The following PLEK2 variants were observed in gnomAD, a reference collection of about 807,000 sequenced individuals.
The protein encoded by PLEK2 is pleckstrin-2.
PLEK2 carries 29 observed loss-of-function variants against 43.8 expected under a neutral mutation model. The observed-to-expected ratio is 0.66, with a 90% CI of 0.49 to 0.90. The LOEUF (loss-of-function observed/expected upper bound fraction) is 0.90, where lower values mean the gene tolerates loss of function less well. Among genes scored for constraint, PLEK2 ranks in the 40% least tolerant of loss-of-function variants. The pLI, the probability that PLEK2 is intolerant of heterozygous loss-of-function variation, is 0.00. For missense variants in PLEK2, 398 were observed against 448.1 expected, an observed-to-expected ratio of 0.89 and a Z score of 1.01; for synonymous variants, 162 against 173.2, an observed-to-expected ratio of 0.94 and a Z score of 0.51.
chr14:67,404,315 C>G (rs965872313), intron 1 of PLEK2, among the ~76,000 whole-genome samples: 6 of 152,022 alleles, frequency 3.9e-5, no homozygotes, highest in African/African-American at 1.4e-4. Flanking sequence ...CACTTTTACT[C>G]ATATTACTTC....
intron 2 of PLEK2, 87 bp from the exon 3 acceptor site, chr14:67,395,670 C>T: frequency 9.2e-7 from 1 of 1,092,666 alleles, no homozygotes; most frequent in Non-Finnish European, 1.4e-6. Flanking sequence ...CCGGGAGAAT[C>T]TAGGTGACAG....
intron 1 of PLEK2, among the ~76,000 whole-genome samples, chr14:67,410,476 C>A (rs541248246): frequency 1.2e-3 from 176 of 152,084 alleles, no homozygotes; most frequent in Non-Finnish European, 2.1e-3. Context: ...CCACATGCTG[C>A]GAGAAACCGG....
chr14:67,395,320 GC>G (rs1231173742), intron 3 of PLEK2, 81 bp downstream of exon 3: 7 of 1,230,526 alleles, frequency 5.7e-6, no homozygotes, highest in Middle Eastern at 2.7e-4. Flanking sequence ...CAAGCACAGA[GC>G]CCCCCCAAGG....
chr14:67,388,458 G>T (rs952951866), intron 7 of PLEK2, among the ~76,000 whole-genome samples, 156 bp from the exon 8 acceptor site: 3 of 152,216 alleles, frequency 2.0e-5, no homozygotes. Context: ...AAAGCTGCAT[G>T]CATCAGTAAG....
At chr14:67,408,668 T>G (rs543481940) in intron 1 of PLEK2, among the ~76,000 whole-genome samples, 1 of 152,282 alleles carries the variant, frequency 6.6e-6, no homozygotes, top group African/African-American at 2.4e-5. Context: ...AAGGGTTGCC[T>G]GCAAACACCA....
intron 1 of PLEK2, among the ~76,000 whole-genome samples, chr14:67,409,089 A>G (rs1241206499): frequency 6.6e-6 from 1 of 151,880 alleles, no homozygotes; most frequent in Admixed American, 6.6e-5. Flanking sequence ...GCAAAAAACA[A>G]AACATTAGCT....
chr14:67,392,605 G>C, intron 5 of PLEK2, 57 bp downstream of exon 5: 4 of 1,505,108 alleles, frequency 2.7e-6, no homozygotes, highest in Non-Finnish European at 3.7e-6. Context: ...CCCCCATTCT[G>C]TTGTGTCTTC....
At chr14:67,397,555 A>G (rs755116574) in intron 2 of PLEK2, 107 bp downstream of exon 2, 15 of 948,290 alleles carry the variant, frequency 1.6e-5, no homozygotes, top group African/African-American at 6.6e-5. Context: ...AAGTTTTTCA[A>G]TTCTAACTCT....
At chr14:67,402,091 G>A (rs1179203285) in intron 1 of PLEK2, among the ~76,000 whole-genome samples, 10 of 152,108 alleles carry the variant, frequency 6.6e-5, no homozygotes. Flanking sequence ...AGATGACAGT[G>A]CCACTGCACT....
At chr14:67,406,929 G>C (rs953228748) in intron 1 of PLEK2, among the ~76,000 whole-genome samples, 1 of 152,114 alleles carries the variant, frequency 6.6e-6, no homozygotes, top group African/African-American at 2.4e-5. Context: ...TTCTCTTTTA[G>C]GTTTCTTGTC....
chr14:67,393,800 C>T (rs966155594), intron 3 of PLEK2, among the ~76,000 whole-genome samples: 21 of 152,270 alleles, frequency 1.4e-4, no homozygotes, highest in African/African-American at 2.4e-4. Context: ...TCCCATAGCA[C>T]GGCTCACCCC....
chr14:67,392,498 G>T, intron 5 of PLEK2, 71 bp from the exon 6 acceptor site: 1 of 1,334,502 alleles, frequency 7.5e-7, no homozygotes, highest in Non-Finnish European at 1.1e-6. Context: ...GGCTGTCAGA[G>T]GGGAAAGGAA....
At chr14:67,393,559 T>C (rs1298011992) in intron 3 of PLEK2, among the ~76,000 whole-genome samples, 2 of 152,284 alleles carry the variant, frequency 1.3e-5, no homozygotes, top group African/African-American at 4.8e-5. Flanking sequence ...GTTCAAGTGA[T>C]TCTCCTGCCT....
intron 1 of PLEK2, among the ~76,000 whole-genome samples, chr14:67,402,797 A>G (rs1380676995): frequency 6.6e-6 from 1 of 152,178 alleles, no homozygotes; most frequent in Non-Finnish European, 1.5e-5. Flanking sequence ...CATTGTATAT[A>G]TGTACCACAG....
intron 5 of PLEK2, 35 bp from the exon 6 acceptor site, chr14:67,392,462 G>C (rs2085976541): frequency 6.7e-7 from 1 of 1,503,676 alleles, no homozygotes; most frequent in Non-Finnish European, 9.3e-7. Flanking sequence ...CTCTGCTACA[G>C]AAAAGACCCA....
At chr14:67,396,596 A>G (rs937905432) in intron 2 of PLEK2, among the ~76,000 whole-genome samples, 3 of 152,126 alleles carry the variant, frequency 2.0e-5, no homozygotes, top group African/African-American at 7.2e-5. Flanking sequence ...CAGAAGCCAC[A>G]CCCACCTCTC....
chr14:67,411,994 T>G (rs1249353183), intron 1 of PLEK2, 24 bp downstream of exon 1: 1 of 1,536,014 alleles, frequency 6.5e-7, no homozygotes, highest in African/African-American at 1.4e-5. Flanking sequence ...CCGGGCAATG[T>G]CCCGAAGCTC....
intron 2 of PLEK2, among the ~76,000 whole-genome samples, chr14:67,396,271 TTG>T (rs2086008329): frequency 6.8e-6 from 1 of 147,224 alleles, no homozygotes; most frequent in African/African-American, 2.6e-5. Flanking sequence ...CCTCAGCCTC[TTG>T]AGTAGATGGG....
At chr14:67,397,915 A>G (rs1268136599) in intron 1 of PLEK2, 89 bp from the exon 2 acceptor site, 1 of 1,053,222 alleles carries the variant, frequency 9.5e-7, no homozygotes, top group South Asian at 1.7e-5. Context: ...ACAAGTAACC[A>G]GACTGTGCTG....
Sources: gnomAD v4.1 joint callset for allele counts (sites outside exome capture counted in the v4.1 genomes callset) on GRCh38, gnomAD v4.1.1 for gene constraint, MANE v1.5 for transcripts, NCBI Gene and HGNC (gene_info 2026-07-23, HGNC 2026-07-21) for gene names.